The following DCDC2C variants were observed in gnomAD, a reference collection of about 807,000 sequenced individuals.
The protein encoded by DCDC2C is doublecortin domain containing 2C.
A neutral mutation model predicts 45.0 loss-of-function variants in DCDC2C; 44 were observed. The ratio of observed to expected loss-of-function variants is 0.98; its 90% CI spans 0.77 to 1.26. The LOEUF (loss-of-function observed/expected upper bound fraction) is 1.26. Ranked by LOEUF, DCDC2C falls within the 50% of genes most tolerant of loss-of-function variation. The pLI is 0.00. For synonymous variants in DCDC2C, 187 were observed against 178.8 expected (o/e 1.05, Z -0.37); for missense variants, 447 against 468.9 (o/e 0.95, Z 0.43).
intron 10 of DCDC2C, among the ~76,000 whole-genome samples, chr2:3,797,596 C>T (rs1369768231): frequency 1.4e-5 from 2 of 145,352 alleles, no homozygotes; most frequent in Non-Finnish European, 3.0e-5. Flanking sequence ...TTTCAAAGAA[C>T]ATCTTTATTT....
chr2:3,815,244 C>T (rs1013886238), intron 10 of DCDC2C, among the ~76,000 whole-genome samples: 7 of 152,260 alleles, frequency 4.6e-5, no homozygotes, highest in South Asian at 2.1e-4. Flanking sequence ...CTGGGTAGCA[C>T]GCTCACTCAC....
At chr2:3,752,722 T>C (rs1170824171) in intron 4 of DCDC2C, 41 bp from the exon 5 acceptor site, 1 of 1,548,482 alleles carries the variant, frequency 6.5e-7, no homozygotes, top group East Asian at 2.4e-5. Context: ...ATGCTACTGG[T>C]CCTCAAGTCT....
chr2:3,715,064 A>G (rs895622372), intron 2 of DCDC2C, among the ~76,000 whole-genome samples: 3 of 152,224 alleles, frequency 2.0e-5, no homozygotes, highest in Non-Finnish European at 4.4e-5. Context: ...ATATACCTAC[A>G]TACATGTATA....
At chr2:3,846,426 CTT>C (rs1217530972) in intron 10 of DCDC2C, among the ~76,000 whole-genome samples, 1 of 151,794 alleles carries the variant, frequency 6.6e-6, no homozygotes, top group African/African-American at 2.4e-5. Flanking sequence ...GGCTACTTTT[CTT>C]TTTTTTGGAG....
chr2:3,725,682 T>TG lies in DCDC2C; in HGVS notation c.340-1320dup, dbSNP rs1176573883. On this transcript the variant is annotated intron_variant, in intron 2 of 10. Transcript: ENST00000399143. ...GGAGATGAGCAGAGAGTGAGGAGGC[T>TG]GCCAGGTGGATCCCAGAGGGAGATG... 7.1e-4 allele frequency among the ~76,000 whole-genome samples: 88 copies of TG among 124,740 alleles called. 1 individual carries two copies. The highest frequency in any genetic ancestry group is 1.3e-3 in the African/African-American group (46 of 34,350). The allele number at this position is 124,740 out of a possible 152,430, so 81.8% of individuals were successfully genotyped here.
At chr2:3,788,634 T>A (rs1670717907) in intron 10 of DCDC2C, 1 of 152,342 alleles carries the variant, frequency 6.6e-6, no homozygotes, top group Admixed American at 6.5e-5. Flanking sequence ...ATTTGTGACA[T>A]GGTCTATCTG....
At chr2:3,812,680 C>T (rs1056897635) in intron 10 of DCDC2C, among the ~76,000 whole-genome samples, 3 of 151,892 alleles carry the variant, frequency 2.0e-5, no homozygotes, top group African/African-American at 4.8e-5. Flanking sequence ...GTTAGGGTAT[C>T]GATGAGTTAT....
chr2:3,708,567 C>A lies in DCDC2C; in HGVS notation c.306C>A (p.Pro102=). Residue 102 remains proline (P), a synonymous_variant, in exon 2 of 11, where the codon CCC becomes CCA. Coordinates refer to ENST00000399143, the MANE Select transcript of DCDC2C (RefSeq NM_001287444.2). ...TTTGCAGTTATATTCATATAGTTCC[C>A]CGAAAACCTGCAAAGATAAGGAAGT... is the stretch of plus-strand genomic sequence containing the variant. The part of the protein sequence containing the change: ...FKELDYIHIV[P]RKPAKIRKLK... 6.5e-7 allele frequency: 1 copy of A among 1,547,946 alleles called. No homozygotes were observed. Among genetic ancestry groups the A allele is most frequent in the South Asian group, 1.2e-5 (1 of 83,532 alleles).
At chr2:3,751,182 T>C (rs947099065) in intron 4 of DCDC2C, among the ~76,000 whole-genome samples, 3 of 152,244 alleles carry the variant, frequency 2.0e-5, no homozygotes, top group African/African-American at 7.2e-5. Flanking sequence ...GCCTTGCTGT[T>C]TGGCCCCCGG....
At chr2:3,771,234 G>A (rs1204174205) in intron 8 of DCDC2C, among the ~76,000 whole-genome samples, 2 of 152,212 alleles carry the variant, frequency 1.3e-5, no homozygotes, top group East Asian at 1.9e-4. Context: ...TTCCTGCACA[G>A]CACACCTGGG....
At chr2:3,708,242 G>A (rs574808017) in intron 1 of DCDC2C, among the ~76,000 whole-genome samples, 1 of 152,188 alleles carries the variant, frequency 6.6e-6, no homozygotes, top group African/African-American at 2.4e-5. Context: ...CCTGGTTAAA[G>A]AATGCTGTTG....
chr2:3,719,445 T>C (rs796472785), intron 2 of DCDC2C, among the ~76,000 whole-genome samples: 6 of 152,262 alleles, frequency 3.9e-5, no homozygotes, highest in African/African-American at 1.4e-4. Flanking sequence ...GCTGTCCACA[T>C]TGGGTGTAAT....
In DCDC2C at chr2:3,704,039, G is replaced by A; in HGVS notation, c.287+1G>A. The A allele has an allele frequency of 1.1e-5, 14 of 1,258,748 alleles. No homozygotes were observed. Among genetic ancestry groups the A allele is most frequent in the Non-Finnish European group, 1.4e-5 (14 of 1,001,204 alleles). The allele number at this position is 1,258,748 out of a possible 1,614,324, so 78.0% of individuals were successfully genotyped here. ...GCCGCGAGCGCTTCAAGGAGCTCGAGTAAGTGCGCCCGCGCCCCCCACGCG... is the reference window on the plus strand; with the variant it reads ...GCCGCGAGCGCTTCAAGGAGCTCGAATAAGTGCGCCCGCGCCCCCCACGCG... On this transcript the variant is annotated splice_donor_variant, in intron 1 of 10. Coordinates refer to ENST00000399143, the MANE Select transcript of DCDC2C (RefSeq NM_001287444.2). LOFTEE classifies it high-confidence loss of function.
At chr2:3,792,792 C>T (rs904179766) in intron 10 of DCDC2C, among the ~76,000 whole-genome samples, 9 of 152,096 alleles carry the variant, frequency 5.9e-5, no homozygotes, top group Non-Finnish European at 7.3e-5. Flanking sequence ...GTGTCTTCTC[C>T]GATGAGCAAT....
chr2:3,781,588 A>C (rs1342199180), intron 9 of DCDC2C, among the ~76,000 whole-genome samples: 1 of 152,264 alleles, frequency 6.6e-6, no homozygotes. Flanking sequence ...GTTCAGGCAC[A>C]GTGGCTCATG....
chr2:3,704,010 G>C lies in DCDC2C; in HGVS notation c.259G>C (p.Ala87Pro), dbSNP rs925128572. The change falls in exon 1 of 11, where the codon GCG (alanine) becomes CCG (proline). Residue 87 changes from alanine to proline, a missense_variant. Physicochemically the swap from Ala to Pro is conservative, Grantham distance 27. Coordinates refer to ENST00000399143, the MANE Select transcript of DCDC2C (RefSeq NM_001287444.2). Reference protein sequence around the residue: ...ALQAGGKYVAAGRERFKELDY... With the variant: ...ALQAGGKYVAPGRERFKELDY... ...GCAGGCGGGCGGCAAGTACGTGGCG[G>C]CGGGCCGCGAGCGCTTCAAGGAGCT... 174 of 1,285,230 alleles carry C rather than the reference G, an allele frequency of 1.4e-4. No individual in the cohort carries two copies. The highest frequency in any genetic ancestry group is 1.6e-4 in the Non-Finnish European group (158 of 1,015,626). The allele number at this position is 1,285,230 out of a possible 1,614,324, so 79.6% of individuals were successfully genotyped here. A position where few individuals can be genotyped will look rare whatever the true frequency, so the allele number is the denominator to read the frequency against.
chr2:3,711,398 C>T (rs1668204662), intron 2 of DCDC2C, among the ~76,000 whole-genome samples: 1 of 151,978 alleles, frequency 6.6e-6, no homozygotes, highest in African/African-American at 2.4e-5. Context: ...ACCTAAATGC[C>T]CATCAATGAC....
intron 10 of DCDC2C, among the ~76,000 whole-genome samples, chr2:3,813,638 A>ATTTT (rs376430001): frequency 0.15 from 20,924 of 135,258 alleles, 1,720 homozygotes; most frequent in East Asian, 0.26. Flanking sequence ...TTCTTGTTGA[A>ATTTT]TTTTTTTTTT....
intron 10 of DCDC2C, among the ~76,000 whole-genome samples, chr2:3,805,982 C>G (rs1671233945): frequency 6.6e-6 from 1 of 152,186 alleles, no homozygotes; most frequent in African/African-American, 2.4e-5. Context: ...CAGCATGTGA[C>G]ACCATGCCTG....
Sources: gnomAD v4.1 joint callset for allele counts (sites outside exome capture counted in the v4.1 genomes callset) on GRCh38, gnomAD v4.1.1 for gene constraint, MANE v1.5 for transcripts, NCBI Gene and HGNC (gene_info 2026-07-23, HGNC 2026-07-21) for gene names.